Variants in EPM2A observed in about 807,000 individuals in gnomAD.
The protein encoded by EPM2A is laforin.
Under a neutral mutation model 26.5 loss-of-function variants are expected in EPM2A, and 21 were observed. That is an observed-to-expected ratio of 0.79 (90% CI 0.56 to 1.14). EPM2A has a LOEUF of 1.14. EPM2A is among the 50% of genes most tolerant of loss of function. The pLI, the probability that EPM2A is intolerant of heterozygous loss-of-function variation, is 0.00. For synonymous variants in EPM2A, 217 were observed against 177.6 expected (o/e 1.22, Z -1.76); for missense variants, 458 against 440.8 (o/e 1.04, Z -0.35).
At position 145,627,988 on chromosome 6, in the gene EPM2A, C is replaced by A. The variant is rs551921591; in HGVS notation, c.719-295G>T. 112 of 418,350 alleles carry A rather than the reference C, an allele frequency of 2.7e-4. 1 individual carries two copies. In the South Asian group the frequency reaches 2.9e-3, roughly 11 times the overall value. The allele number at this position is 418,350 out of a possible 1,614,324, so 25.9% of individuals were successfully genotyped here. ...CAAATATCCCTCCAAAGAAAAGTGA[C>A]CTATCGCCTGTCATCAGAATGCACT... On this transcript the variant is annotated intron_variant, in intron 3 of 3. Coordinates refer to ENST00000367519, the MANE Select transcript of EPM2A (RefSeq NM_005670.4).
chr6:145,567,558 T>G (rs1780900445), intron 2 of EPM2A, among the ~76,000 whole-genome samples: 1 of 152,212 alleles, frequency 6.6e-6, no homozygotes, highest in South Asian at 2.1e-4. Context: ...CCAACACATG[T>G]GCTCCTAGCC....
At chr6:145,458,193 A>C (rs1481834399) in intron 4 of EPM2A, among the ~76,000 whole-genome samples, 6 of 152,148 alleles carry the variant, frequency 3.9e-5, no homozygotes, top group Non-Finnish European at 8.8e-5. Flanking sequence ...GTCACATGTT[A>C]CTTGTGATCT....
intron 2 of EPM2A, among the ~76,000 whole-genome samples, chr6:145,533,158 C>A (rs145423959): frequency 5.3e-5 from 8 of 152,266 alleles, no homozygotes; most frequent in African/African-American, 1.4e-4. Flanking sequence ...TCTTTCTTGT[C>A]TTGGAAAAGA....
intron 2 of EPM2A, among the ~76,000 whole-genome samples, chr6:145,619,274 T>A (rs778121658): frequency 6.6e-6 from 1 of 152,180 alleles, no homozygotes; most frequent in Non-Finnish European, 1.5e-5. Flanking sequence ...GGATTGAGAT[T>A]TGGATATCAT....
chr6:145,481,988 T>A (rs1283966911), intron 4 of EPM2A, among the ~76,000 whole-genome samples: 1 of 151,314 alleles, frequency 6.6e-6, no homozygotes, highest in South Asian at 2.1e-4. Context: ...ATCTTATGCC[T>A]GACTCAACAG....
chr6:145,714,435 G>A (rs79774233), intron 1 of EPM2A, among the ~76,000 whole-genome samples: 3,452 of 152,232 alleles, frequency 0.023, 49 homozygotes, highest in Admixed American at 0.031. Context: ...TTTCTATGGC[G>A]TATTTCTGGT....
intron 2 of EPM2A, among the ~76,000 whole-genome samples, chr6:145,582,682 G>A (rs1377650568): frequency 1.3e-5 from 2 of 152,112 alleles, no homozygotes; most frequent in East Asian, 1.9e-4. Context: ...TGGGTTTCCC[G>A]AATTCAAATG....
chr6:145,689,856 G>A (rs114117588), intron 1 of EPM2A, among the ~76,000 whole-genome samples: 1,816 of 152,284 alleles, frequency 0.012, 32 homozygotes, highest in African/African-American at 0.041. Flanking sequence ...GCAATATAGT[G>A]GAGTCCAAGT....
chr6:145,398,584 C>G (rs935213887), intron 4 of EPM2A, among the ~76,000 whole-genome samples: 4 of 152,198 alleles, frequency 2.6e-5, no homozygotes, highest in African/African-American at 9.6e-5. Flanking sequence ...TTAATAATAC[C>G]TGTCATCTCC....
intron 2 of EPM2A, among the ~76,000 whole-genome samples, chr6:145,557,723 CTTATT>C (rs1344529386): frequency 1.8e-4 from 28 of 152,030 alleles, no homozygotes; most frequent in Non-Finnish European, 1.5e-5. Context: ...ACCTCATATA[CTTATT>C]TTATTGTGAG....
intron 2 of EPM2A, among the ~76,000 whole-genome samples, chr6:145,653,110 A>G (rs1271911453): frequency 1.3e-5 from 2 of 152,206 alleles, no homozygotes; most frequent in African/African-American, 4.8e-5. Flanking sequence ...TGCTCAAGCC[A>G]CATCACTTGA....
intron 2 of EPM2A, among the ~76,000 whole-genome samples, chr6:145,651,488 A>G (rs534516306): frequency 6.6e-6 from 1 of 152,332 alleles, no homozygotes; most frequent in East Asian, 1.9e-4. Flanking sequence ...GTTTCTATCA[A>G]TGTAAAGGAA....
intron 4 of EPM2A, among the ~76,000 whole-genome samples, chr6:145,476,564 T>C (rs1779545987): frequency 6.6e-6 from 1 of 151,940 alleles, no homozygotes; most frequent in South Asian, 2.1e-4. Context: ...ACAAAACAAG[T>C]CTTAAAACAT....
chr6:145,547,698 G>A (rs188564982), intron 2 of EPM2A, among the ~76,000 whole-genome samples: 213 of 152,158 alleles, frequency 1.4e-3, no homozygotes, highest in Non-Finnish European at 1.7e-3. Context: ...CTGCCTAACT[G>A]TTACTTTTAG....
intron 2 of EPM2A, chr6:145,639,882 A>T (rs1383035784): frequency 1.3e-5 from 2 of 152,214 alleles, no homozygotes; most frequent in African/African-American, 4.8e-5. Context: ...TAGGGTTTTG[A>T]CTATTTCTGC....
intron 1 of EPM2A, among the ~76,000 whole-genome samples, chr6:145,723,510 A>C (rs1776047438): frequency 6.6e-6 from 1 of 152,162 alleles, no homozygotes; most frequent in African/African-American, 2.4e-5. Context: ...ATTATTTTGC[A>C]AAAAATTTAA....
intron 4 of EPM2A, among the ~76,000 whole-genome samples, chr6:145,437,857 C>A (rs939137533): frequency 6.6e-5 from 10 of 152,150 alleles, no homozygotes; most frequent in Admixed American, 3.9e-4. Context: ...TCAGGCTCAG[C>A]TCTTACCTGT....
At chr6:145,627,852 C>A (rs1191883264) in intron 3 of EPM2A, 159 bp from the exon 4 acceptor site, 4 of 1,037,712 alleles carry the variant, frequency 3.9e-6, no homozygotes, top group East Asian at 2.6e-5. Context: ...AAAAGTGAGA[C>A]CATTTTACAA....
intron 2 of EPM2A, among the ~76,000 whole-genome samples, chr6:145,666,257 GA>G (rs1779180245): frequency 2.0e-5 from 2 of 101,376 alleles, no homozygotes; most frequent in South Asian, 6.2e-4. Flanking sequence ...TGTTTATCTA[GA>G]AAACCCCATT....
Sources: gnomAD v4.1 joint callset for allele counts (sites outside exome capture counted in the v4.1 genomes callset) on GRCh38, gnomAD v4.1.1 for gene constraint, MANE v1.5 for transcripts, NCBI Gene and HGNC (gene_info 2026-07-23, HGNC 2026-07-21) for gene names.